KHDRBS2: variants seen among roughly 807,000 people sequenced by gnomAD.
KHDRBS2 encodes KH domain-containing, RNA-binding, signal transduction-associated protein 2.
KHDRBS2 carries 26 observed loss-of-function variants against 44.3 expected under a neutral mutation model. The observed-to-expected ratio is 0.59, with a 90% CI of 0.43 to 0.81. The LOEUF (loss-of-function observed/expected upper bound fraction) is 0.81, where lower values mean the gene tolerates loss of function less well. Ranked by LOEUF, KHDRBS2 falls within the 40% of genes least tolerant of loss-of-function variation. KHDRBS2 has a pLI of 0.00. For synonymous variants in KHDRBS2, 194 were observed against 151.1 expected (o/e 1.28, Z -2.08); for missense variants, 476 against 433.1 (o/e 1.10, Z -0.88).
intron 3 of KHDRBS2, among the ~76,000 whole-genome samples, chr6:62,007,842 AT>A (rs1779549073): frequency 6.6e-6 from 1 of 152,170 alleles, no homozygotes; most frequent in Admixed American, 6.6e-5. Context: ...ATAAAGGCGT[AT>A]TTGATGCTGT....
intron 6 of KHDRBS2, among the ~76,000 whole-genome samples, chr6:61,802,793 A>G (rs1203196117): frequency 6.6e-6 from 1 of 152,098 alleles, no homozygotes; most frequent in Non-Finnish European, 1.5e-5. Context: ...GTTTTCATCT[A>G]CTTGTCGGCA....
intron 6 of KHDRBS2, among the ~76,000 whole-genome samples, chr6:61,793,447 C>A (rs1441200888): frequency 6.6e-6 from 1 of 151,712 alleles, no homozygotes; most frequent in Non-Finnish European, 1.5e-5. Flanking sequence ...CCTGTAGATG[C>A]AGTAAAAGAA....
At chr6:61,898,690 C>A (rs1803385845) in intron 5 of KHDRBS2, among the ~76,000 whole-genome samples, 1 of 151,906 alleles carries the variant, frequency 6.6e-6, no homozygotes, top group African/African-American at 2.4e-5. Flanking sequence ...CAGGCATTCT[C>A]TTTCTAGAGC....
chr6:61,561,478 G>A, the KHDRBS2 span, among the ~76,000 whole-genome samples: 1 of 152,128 alleles, frequency 6.6e-6, no homozygotes, highest in African/African-American at 2.4e-5. Flanking sequence ...ATGCTGTCTG[G>A]GAGCCAGGAC....
chr6:62,222,510 T>C (rs1831070512), intron 1 of KHDRBS2, among the ~76,000 whole-genome samples: 1 of 152,106 alleles, frequency 6.6e-6, no homozygotes, highest in South Asian at 2.1e-4. Context: ...GAGAACACTA[T>C]GATGGGAACT....
chr6:62,110,161 C>T (rs772747119), intron 2 of KHDRBS2, among the ~76,000 whole-genome samples: 3 of 151,962 alleles, frequency 2.0e-5, no homozygotes, highest in Non-Finnish European at 2.9e-5. Context: ...GAATTGTTTA[C>T]ATTAAAAAGA....
At chr6:61,738,976 T>G (rs944023202) in intron 6 of KHDRBS2, among the ~76,000 whole-genome samples, 1 of 151,932 alleles carries the variant, frequency 6.6e-6, no homozygotes, top group Non-Finnish European at 1.5e-5. Flanking sequence ...TTTTATCCAG[T>G]GTAGTTCTGG....
chr6:61,772,931 A>C (rs189642071), intron 6 of KHDRBS2, among the ~76,000 whole-genome samples: 25 of 152,022 alleles, frequency 1.6e-4, no homozygotes, highest in African/African-American at 5.5e-4. Flanking sequence ...GAGAATGATG[A>C]TTTCCAATTT....
At chr6:62,177,668 G>A (rs1045425538) in intron 1 of KHDRBS2, among the ~76,000 whole-genome samples, 1 of 151,074 alleles carries the variant, frequency 6.6e-6, no homozygotes, top group African/African-American at 2.4e-5. Context: ...TTTTTTCCAG[G>A]AGCAATAAAT....
At chr6:61,615,533 A>G in the KHDRBS2 span, among the ~76,000 whole-genome samples, 1 of 152,154 alleles carries the variant, frequency 6.6e-6, no homozygotes, top group Admixed American at 6.5e-5. Context: ...GCCCACTCTC[A>G]TCCCTAAAAT....
intron 3 of KHDRBS2, among the ~76,000 whole-genome samples, chr6:62,005,077 T>C (rs1489203364): frequency 6.6e-6 from 1 of 152,122 alleles, no homozygotes; most frequent in East Asian, 1.9e-4. Context: ...ATTTTTAGAG[T>C]TCATTTAAGA....
intron 6 of KHDRBS2, among the ~76,000 whole-genome samples, chr6:61,768,768 C>T (rs1055223879): frequency 6.6e-6 from 1 of 151,986 alleles, no homozygotes; most frequent in Non-Finnish European, 1.5e-5. Context: ...CTTTTCACTG[C>T]CCTTGATTTG....
At chr6:61,916,963 G>GTTTTTTTTTTT (rs1807120310) in intron 4 of KHDRBS2, among the ~76,000 whole-genome samples, 2 of 93,060 alleles carry the variant, frequency 2.1e-5, no homozygotes. Flanking sequence ...CAGGAACTCT[G>GTTTTTTTTTTT]TATTTTTTTT....
chr6:62,272,383 C>G (rs972002101), intron 1 of KHDRBS2, among the ~76,000 whole-genome samples: 3 of 152,194 alleles, frequency 2.0e-5, no homozygotes, highest in Non-Finnish European at 4.4e-5. Flanking sequence ...AGGTCCAACA[C>G]AGTCATGATT....
intron 4 of KHDRBS2, among the ~76,000 whole-genome samples, chr6:61,955,224 A>G (rs373602360): frequency 6.9e-6 from 1 of 145,886 alleles, no homozygotes; most frequent in Non-Finnish European, 1.5e-5. Flanking sequence ...ATATGTGTAT[A>G]TATACACATA....
chr6:61,554,170 A>G, the KHDRBS2 span, among the ~76,000 whole-genome samples: 1 of 152,178 alleles, frequency 6.6e-6, no homozygotes, highest in African/African-American at 2.4e-5. Context: ...TGCTTTATGA[A>G]TCTGGGTGCT....
chr6:61,697,408 A>G (rs775697282), intron 7 of KHDRBS2, among the ~76,000 whole-genome samples, 155 bp from the exon 8 acceptor site: 1 of 152,090 alleles, frequency 6.6e-6, no homozygotes, highest in Non-Finnish European at 1.5e-5. Context: ...AGTAAGAAAA[A>G]CACAGGTTAT....
intron 7 of KHDRBS2, among the ~76,000 whole-genome samples, chr6:61,701,269 A>G (rs1768615873): frequency 1.3e-5 from 2 of 151,998 alleles, no homozygotes; most frequent in African/African-American, 4.8e-5. Flanking sequence ...AGATGAAACA[A>G]AAGTGAACAG....
At chr6:62,080,993 G>A (rs1215145377) in intron 2 of KHDRBS2, among the ~76,000 whole-genome samples, 1 of 152,072 alleles carries the variant, frequency 6.6e-6, no homozygotes, top group Non-Finnish European at 1.5e-5. Context: ...TACTATCCTG[G>A]AAGCACATCA....
Sources: allele counts gnomAD v4.1 joint callset (sites outside exome capture counted in the v4.1 genomes callset), GRCh38; gene constraint gnomAD v4.1.1; transcripts MANE v1.5; gene names NCBI Gene and HGNC (gene_info 2026-07-23, HGNC 2026-07-21).